CLCN3: variants seen among roughly 807,000 people sequenced by gnomAD.
CLCN3 encodes the protein H(+)/Cl(-) exchange transporter 3.
In CLCN3, 16 loss-of-function variants were observed where a neutral mutation model predicts 83.4. That is an observed-to-expected ratio of 0.19 (90% CI 0.13 to 0.29). CLCN3 has a LOEUF of 0.29. Ranked by LOEUF, CLCN3 falls within the 10% of genes least tolerant of loss-of-function variation. The pLI is 1.00. For missense variants in CLCN3, 544 were observed against 1,006.0 expected (o/e 0.54, Z 6.21); for synonymous variants, 322 against 346.2 (o/e 0.93, Z 0.78).
At position 169,645,831 on chromosome 4, in the gene CLCN3, G is replaced by A. The variant is rs778389259; in HGVS notation, c.160+9743G>A. Among the ~76,000 whole-genome samples, 165 of 152,206 alleles carry A rather than the reference G, an allele frequency of 1.1e-3. 1 individual carries two copies. The highest frequency in any genetic ancestry group is 2.2e-3 in the Non-Finnish European group (147 of 68,010). On this transcript the variant is annotated intron_variant, in intron 2 of 12. Coordinates refer to ENST00000513761, the MANE Select transcript of CLCN3 (RefSeq NM_001829.4). ...ACTCAGTTAAAGTTAAGGGCCCCTC[G>A]TATGTAGTAAACTGGGTGTTGCTTC...
In CLCN3 at chr4:169,640,363, G is replaced by A. The variant is rs563963409; in HGVS notation, c.160+4275G>A. On this transcript the variant is annotated intron_variant, in intron 2 of 12. Coordinates refer to ENST00000513761, the MANE Select transcript of CLCN3 (RefSeq NM_001829.4). ...ACTGCTTTGGAATCTACTGACTTCA[G>A]TAGATATCTGTTGCATAGCCCTTGC... Among the ~76,000 whole-genome samples, 93 of 152,302 alleles carry A rather than the reference G, an allele frequency of 6.1e-4. 1 individual carries two copies. In the South Asian group the frequency reaches 0.013, roughly 22 times the overall value.
Position 169,689,215 on chromosome 4 carries a change from C to A in CLCN3, c.591C>A (p.Ile197=), listed in dbSNP as rs776931890. The A allele has an allele frequency of 6.8e-6, 11 of 1,612,798 alleles. No individual in the cohort carries two copies. Among genetic ancestry groups the A allele is most frequent in the Middle Eastern group, 1.7e-4 (1 of 6,058 alleles). ...AGTGGAAAACATGGGCAGAATTAAT[C>A]ATAGGTCAAGCAGAGGTAAGTCTTG... is the stretch of plus-strand genomic sequence containing the variant. ...CPQWKTWAEL[I]IGQAEGPGSY... Residue 197 remains isoleucine, a synonymous_variant, in exon 5 of 13, where the codon ATC becomes ATA. Coordinates refer to ENST00000513761, the MANE Select transcript of CLCN3 (RefSeq NM_001829.4).
At chr4:169,677,265 A>T (rs1180154359) in intron 2 of CLCN3, among the ~76,000 whole-genome samples, 1 of 152,152 alleles carries the variant, frequency 6.6e-6, no homozygotes, top group East Asian at 1.9e-4. Flanking sequence ...CTTCAGTTGT[A>T]AAGTCTGCTG....
At chr4:169,692,367 A>T in intron 7 of CLCN3, 47 bp downstream of exon 7, 1 of 832,722 alleles carries the variant, frequency 1.2e-6, no homozygotes, top group Non-Finnish European at 1.7e-6. Context: ...TATATTATAT[A>T]GTATTTATTT....
At chr4:169,637,729 A>G (rs576844755) in intron 2 of CLCN3, among the ~76,000 whole-genome samples, 3 of 152,186 alleles carry the variant, frequency 2.0e-5, no homozygotes, top group Admixed American at 6.5e-5. Flanking sequence ...ATTTTTGTGT[A>G]TTCACATTTA....
chr4:169,658,838 C>T (rs1730961701), intron 2 of CLCN3, among the ~76,000 whole-genome samples: 2 of 151,998 alleles, frequency 1.3e-5, no homozygotes, highest in African/African-American at 4.8e-5. Context: ...AACCCTGTCT[C>T]CCAAATTTCA....
intron 2 of CLCN3, among the ~76,000 whole-genome samples, chr4:169,645,751 T>C (rs1730555045): frequency 6.6e-6 from 1 of 152,202 alleles, no homozygotes; most frequent in African/African-American, 2.4e-5. Flanking sequence ...AAAGTACTAC[T>C]TTTACTTTGC....
chr4:169,639,266 G>A (rs559194495), intron 2 of CLCN3, among the ~76,000 whole-genome samples: 26 of 152,230 alleles, frequency 1.7e-4, no homozygotes, highest in Middle Eastern at 3.4e-3. Flanking sequence ...TTTTAGGTTC[G>A]AACGATCCTC....
chr4:169,639,716 GA>G (rs1324624508), intron 2 of CLCN3, among the ~76,000 whole-genome samples: 1 of 152,138 alleles, frequency 6.6e-6, no homozygotes, highest in African/African-American at 2.4e-5. Flanking sequence ...GATTTCAGAG[GA>G]AAAAACTTAT....
At chr4:169,651,226 C>T (rs535950542) in intron 2 of CLCN3, among the ~76,000 whole-genome samples, 1 of 152,230 alleles carries the variant, frequency 6.6e-6, no homozygotes, top group African/African-American at 2.4e-5. Flanking sequence ...ATGATTACCT[C>T]TTCACTCTAC....
chr4:169,687,598 C>A, intron 3 of CLCN3, 60 bp from the exon 4 acceptor site: 2 of 1,123,220 alleles, frequency 1.8e-6, no homozygotes, highest in South Asian at 1.3e-5. Context: ...TTGCTAGATT[C>A]TAGAACTGTG....
chr4:169,693,516 G>A (rs576176875), intron 7 of CLCN3, among the ~76,000 whole-genome samples: 35 of 152,314 alleles, frequency 2.3e-4, no homozygotes, highest in African/African-American at 8.4e-4. Flanking sequence ...TACCTAGTAA[G>A]TGGTGGAACG....
rs146802392 is a variant in CLCN3 at position 169,671,680 on chromosome 4, G to A, written c.161-8370G>A. Among the ~76,000 whole-genome samples the A allele has an allele frequency of 2.8e-3, 428 of 152,170 alleles. 2 individuals carry two copies. The highest frequency in any genetic ancestry group is 3.9e-3 in the Admixed American group (59 of 15,268). On this transcript the variant is annotated intron_variant, in intron 2 of 12. Coordinates refer to ENST00000513761, the MANE Select transcript of CLCN3 (RefSeq NM_001829.4). ...TTTGAAACTGGGATACTGTAATATC[G>A]AATCGTGTTCTCCATGCTCTGCTGT...
At chr4:169,633,169 C>T (rs1312588754) in intron 1 of CLCN3, among the ~76,000 whole-genome samples, 4 of 152,176 alleles carry the variant, frequency 2.6e-5, no homozygotes, top group Admixed American at 2.6e-4. Flanking sequence ...GCTGCCACCA[C>T]GCCCGGCTAA....
At chr4:169,716,742 C>A (rs1180545632) in intron 12 of CLCN3, among the ~76,000 whole-genome samples, 1 of 152,048 alleles carries the variant, frequency 6.6e-6, no homozygotes, top group East Asian at 1.9e-4. Context: ...CCCCCACCTC[C>A]CACCCCAGCC....
In CLCN3 at chr4:169,697,704, C is replaced by G. The variant is rs779627892; in HGVS notation, c.1533C>G (p.Ile511Met). 13 of 1,611,288 alleles carry G rather than the reference C, an allele frequency of 8.1e-6. No individual in the cohort carries two copies. In the African/African-American group the frequency reaches 1.5e-4, roughly 18 times the overall value. The change falls in exon 9 of 13, where the codon ATC (isoleucine) becomes ATG (methionine). Residue 511 changes from isoleucine (I) to methionine (M), a missense_variant. Transcript: ENST00000513761. ...WQLCLALIFKIIMTVFTFGIK... is the reference protein window; with the variant it reads ...WQLCLALIFKMIMTVFTFGIK... ...TATGCCTGGCACTCATATTTAAAAT[C>G]ATAATGACAGTATTCACTTTTGGCA...
At chr4:169,710,751 G>A (rs904410526) in intron 11 of CLCN3, among the ~76,000 whole-genome samples, 2 of 151,900 alleles carry the variant, frequency 1.3e-5, no homozygotes, top group African/African-American at 2.4e-5. Context: ...TTATTTTGTC[G>A]GTGTTTAAGA....
intron 2 of CLCN3, among the ~76,000 whole-genome samples, chr4:169,638,465 G>T (rs1191040853): frequency 6.7e-6 from 1 of 148,268 alleles, no homozygotes; most frequent in Non-Finnish European, 1.5e-5. Flanking sequence ...GCTGTTATTT[G>T]TCATTTGCTG....
chr4:169,681,438 T>C (rs1006393342), intron 3 of CLCN3, among the ~76,000 whole-genome samples: 1 of 152,222 alleles, frequency 6.6e-6, no homozygotes, highest in Non-Finnish European at 1.5e-5. Flanking sequence ...TTAATATATA[T>C]GTGTGTGAAC....
Sources: allele counts gnomAD v4.1 joint callset (sites outside exome capture counted in the v4.1 genomes callset), GRCh38; gene constraint gnomAD v4.1.1; transcripts MANE v1.5; gene names NCBI Gene and HGNC (gene_info 2026-07-23, HGNC 2026-07-21).